KRABD2: variants seen among roughly 807,000 people sequenced by gnomAD.
KRABD2 encodes KRAB domain-containing protein 2.
chr17:8,375,322 C>A, the KRABD2 span, among the ~76,000 whole-genome samples: 1 of 152,192 alleles, frequency 6.6e-6, no homozygotes, highest in South Asian at 2.1e-4. Flanking sequence ...CGATTTCTGG[C>A]TTTCTTGAAA....
chr17:8,374,937 CAAAAAAAAAA>C, the KRABD2 span, among the ~76,000 whole-genome samples: 686 of 46,228 alleles, frequency 0.015, 23 homozygotes, highest in Middle Eastern at 0.036. Context: ...GACTCTGTCA[CAAAAAAAAAA>C]AAAAAAAAAA....
chr17:8,367,297 GACC>G, the KRABD2 span: 1 of 151,918 alleles, frequency 6.6e-6, no homozygotes, highest in African/African-American at 2.4e-5. Flanking sequence ...AGGAGATCGA[GACC>G]ATCCTGGCTA....
At chr17:8,364,687 G>C in the KRABD2 span, among the ~76,000 whole-genome samples, 1 of 152,006 alleles carries the variant, frequency 6.6e-6, no homozygotes, top group East Asian at 1.9e-4. This position sits in a 1 kb window ranked among gnomAD's most constrained non-coding sequence, Gnocchi z 4.4. Context: ...TAGACATCCA[G>C]ATTTTTATAT....
chr17:8,376,357 G>T, the KRABD2 span: 2 of 1,204,388 alleles, frequency 1.7e-6, no homozygotes, highest in Non-Finnish European at 2.1e-6. Context: ...CCGGGGAGAT[G>T]ACCAGTACCC....
At chr17:8,376,063 T>A in the KRABD2 span, 1 of 1,231,784 alleles carries the variant, frequency 8.1e-7, no homozygotes, top group African/African-American at 1.5e-5. Context: ...ACTGGAGCAC[T>A]TCGCTTTGCA....
At chr17:8,360,451 G>C in the KRABD2 span, among the ~76,000 whole-genome samples, 1 of 152,024 alleles carries the variant, frequency 6.6e-6, no homozygotes, top group South Asian at 2.1e-4. Flanking sequence ...CGACCATCTG[G>C]GGTAATTAAT....
At chr17:8,359,477 C>T in the KRABD2 span, 2 of 412,050 alleles carry the variant, frequency 4.9e-6, no homozygotes, top group South Asian at 1.8e-5. Flanking sequence ...TATTTTTCTG[C>T]ATTTAGCAGT....
At chr17:8,371,063 G>A in the KRABD2 span, among the ~76,000 whole-genome samples, 1 of 152,032 alleles carries the variant, frequency 6.6e-6, no homozygotes, top group Non-Finnish European at 1.5e-5. Context: ...CAGCTACTCG[G>A]GAGACTGAGG....
chr17:8,373,023 G>A, the KRABD2 span, among the ~76,000 whole-genome samples: 1 of 152,216 alleles, frequency 6.6e-6, no homozygotes, highest in East Asian at 1.9e-4. Context: ...TTCTACAGTA[G>A]AGTCCAGGGT....
At chr17:8,360,800 A>G in the KRABD2 span, among the ~76,000 whole-genome samples, 19 of 152,326 alleles carry the variant, frequency 1.2e-4, no homozygotes, top group South Asian at 1.2e-3. Context: ...CAATTCAACA[A>G]CCCAAAGTCA....
At chr17:8,364,358 T>C in the KRABD2 span, among the ~76,000 whole-genome samples, 4 of 152,094 alleles carry the variant, frequency 2.6e-5, no homozygotes, top group Non-Finnish European at 4.4e-5. The surrounding 1 kb of genome is among the most constrained non-coding windows in gnomAD (Gnocchi z 4.4). Flanking sequence ...TTTCTTTTTC[T>C]TTTTTCTTTT....
the KRABD2 span, among the ~76,000 whole-genome samples, chr17:8,367,499 C>CAA: frequency 9.8e-6 from 1 of 101,780 alleles, no homozygotes. Flanking sequence ...ATTCTGTCTC[C>CAA]AAAAAAAAAA....
At chr17:8,368,960 G>A in the KRABD2 span, 1 of 1,125,428 alleles carries the variant, frequency 8.9e-7, no homozygotes, top group Non-Finnish European at 1.2e-6. Context: ...TTTTATGGCA[G>A]CCCTAAGAAT....
chr17:8,359,864 T>C, the KRABD2 span: 2 of 455,782 alleles, frequency 4.4e-6, no homozygotes, highest in Non-Finnish European at 8.8e-6. Context: ...TTTTGGCCAT[T>C]GCATCAGGAG....
the KRABD2 span, chr17:8,359,715 G>C: frequency 2.2e-6 from 1 of 456,004 alleles, no homozygotes; most frequent in Non-Finnish European, 4.4e-6. Flanking sequence ...CAGGTGTCTG[G>C]ACTGGTTCTC....
the KRABD2 span, among the ~76,000 whole-genome samples, chr17:8,364,428 C>T: frequency 6.6e-6 from 1 of 152,294 alleles, no homozygotes; most frequent in East Asian, 1.9e-4. The surrounding 1 kb of genome is among the most constrained non-coding windows in gnomAD (Gnocchi z 4.4). Flanking sequence ...TCATGGCTCA[C>T]TTTAACTTTG....
the KRABD2 span, among the ~76,000 whole-genome samples, chr17:8,363,618 A>G: frequency 2.0e-5 from 3 of 151,822 alleles, no homozygotes; most frequent in Non-Finnish European, 4.4e-5. Context: ...AAGTGCTGGG[A>G]TTACAGGCAT....
chr17:8,363,143 T>G, the KRABD2 span, among the ~76,000 whole-genome samples: 3 of 152,148 alleles, frequency 2.0e-5, no homozygotes, highest in Non-Finnish European at 4.4e-5. Flanking sequence ...TGACTCTGGG[T>G]TGGGTGACCC....
the KRABD2 span, chr17:8,376,691 C>G: frequency 0.25 from 242,014 of 983,732 alleles, 30,414 homozygotes; most frequent in Non-Finnish European, 0.26. Flanking sequence ...CAGAGGCCCC[C>G]GAGCAGCAAC....
Sources: allele counts gnomAD v4.1 joint callset (sites outside exome capture counted in the v4.1 genomes callset), GRCh38; gene constraint gnomAD v4.1.1; non-coding constraint Gnocchi (gnomAD v3.1); transcripts MANE v1.5; gene names NCBI Gene and HGNC (gene_info 2026-07-23, HGNC 2026-07-21).